Variants in RGS6 observed in about 807,000 individuals in gnomAD.
RGS6 encodes regulator of G protein signaling 6.
Under a neutral mutation model 78.5 loss-of-function variants are expected in RGS6, and 30 were observed. The observed-to-expected ratio is 0.38, with a 90% CI of 0.29 to 0.52. The LOEUF (loss-of-function observed/expected upper bound fraction) is 0.52. RGS6 is among the 20% of genes least tolerant of loss of function. The pLI, the probability that RGS6 is intolerant of heterozygous loss-of-function variation, is 0.85. For missense variants in RGS6, 495 were observed against 609.7 expected, an observed-to-expected ratio of 0.81 and a Z score of 1.98; for synonymous variants, 206 against 206.0, an observed-to-expected ratio of 1.00 and a Z score of 0.00.
At chr14:72,584,408 G>A in the RGS6 span, among the ~76,000 whole-genome samples, 1 of 152,182 alleles carries the variant, frequency 6.6e-6, no homozygotes, top group Admixed American at 6.5e-5. Flanking sequence ...GTGCTATGCA[G>A]AAAAGTAAAA....
intron 2 of RGS6, among the ~76,000 whole-genome samples, chr14:72,015,549 A>G (rs1429354806): frequency 6.6e-6 from 1 of 152,240 alleles, no homozygotes; most frequent in Non-Finnish European, 1.5e-5. Context: ...ACAAATAGTG[A>G]TACAGTAGTA....
chr14:72,271,247 G>A (rs150418389), intron 2 of RGS6, among the ~76,000 whole-genome samples: 3,042 of 152,266 alleles, frequency 0.02, 46 homozygotes, highest in Non-Finnish European at 0.027. Flanking sequence ...CCACATGGCT[G>A]GGGAGGCCTC....
chr14:72,155,075 A>G (rs1383274438), intron 2 of RGS6, among the ~76,000 whole-genome samples: 2 of 152,246 alleles, frequency 1.3e-5, no homozygotes, highest in African/African-American at 4.8e-5. Flanking sequence ...CTTTCTGGAA[A>G]GCCAGTAAAT....
chr14:72,176,873 AC>A (rs1476036812), intron 2 of RGS6, among the ~76,000 whole-genome samples: 2 of 152,006 alleles, frequency 1.3e-5, no homozygotes, highest in South Asian at 2.1e-4. Context: ...CCAACCCACC[AC>A]CCCAGAAGGA....
At chr14:72,006,362 C>A (rs1168484510) in intron 2 of RGS6, among the ~76,000 whole-genome samples, 3 of 152,192 alleles carry the variant, frequency 2.0e-5, no homozygotes, top group Non-Finnish European at 4.4e-5. Flanking sequence ...CATATTCAAG[C>A]CCCTGACAAA....
At chr14:72,629,491 G>A in the RGS6 span, 3 of 729,050 alleles carry the variant, frequency 4.1e-6, no homozygotes, top group Non-Finnish European at 6.8e-6. Context: ...AGGGCTAATG[G>A]CCAGGTTGCT....
At chr14:72,413,199 G>C (rs1198454812) in intron 3 of RGS6, among the ~76,000 whole-genome samples, 1 of 152,224 alleles carries the variant, frequency 6.6e-6, no homozygotes, top group Admixed American at 6.5e-5. Context: ...TTGTGTGGGA[G>C]TCTAAGTCTC....
chr14:72,072,880 T>C (rs184696538), intron 2 of RGS6, among the ~76,000 whole-genome samples: 10 of 152,370 alleles, frequency 6.6e-5, no homozygotes, highest in Non-Finnish European at 8.8e-5. Flanking sequence ...TTCTCCAATG[T>C]GGCTGCACAT....
chr14:72,248,996 T>C (rs2054942291), intron 2 of RGS6, among the ~76,000 whole-genome samples: 1 of 152,186 alleles, frequency 6.6e-6, no homozygotes, highest in Admixed American at 6.5e-5. Flanking sequence ...AACTTATTTC[T>C]GTAGGGGGAA....
At position 71,957,891 on chromosome 14, in the gene RGS6, G is replaced by A. The variant is rs535706034; in HGVS notation, c.-20-6881G>A. On this transcript the variant is annotated intron_variant, in intron 1 of 17. Coordinates refer to ENST00000553525, the MANE Select transcript of RGS6 (RefSeq NM_001204424.2). ...AGTGATCCTCCCACATCAGCCTCCC[G>A]AGTAGCTGAGACTACAGGCAACGCA... is the stretch of plus-strand genomic sequence containing the variant. 5.3e-5 allele frequency among the ~76,000 whole-genome samples: 8 copies of A among 151,962 alleles called. No homozygotes were observed. The South Asian group carries it at 1.0e-3, about 20-fold the overall frequency.
At chr14:72,509,431 T>A (rs1376610771) in intron 13 of RGS6, among the ~76,000 whole-genome samples, 4 of 151,932 alleles carry the variant, frequency 2.6e-5, no homozygotes, top group Admixed American at 2.0e-4. Context: ...ATTCTTGACT[T>A]CATTACTTCC....
intron 2 of RGS6, among the ~76,000 whole-genome samples, chr14:72,006,326 C>T (rs1322732598): frequency 6.6e-6 from 1 of 152,198 alleles, no homozygotes; most frequent in Non-Finnish European, 1.5e-5. Context: ...CATCCACCAA[C>T]ACTCTTCCAA....
chr14:71,981,637 G>A (rs1366158563), intron 2 of RGS6, among the ~76,000 whole-genome samples: 3 of 151,948 alleles, frequency 2.0e-5, no homozygotes, highest in Non-Finnish European at 2.9e-5. Context: ...GAGGCAGTCT[G>A]CCCGTTCTCA....
At chr14:72,575,631 C>T in the RGS6 span, among the ~76,000 whole-genome samples, 26 of 152,190 alleles carry the variant, frequency 1.7e-4, no homozygotes, top group East Asian at 3.1e-3. Flanking sequence ...CCGCAAATAA[C>T]GTATTATATA....
intron 3 of RGS6, among the ~76,000 whole-genome samples, chr14:72,372,179 G>A (rs925437700): frequency 3.9e-5 from 6 of 152,096 alleles, no homozygotes; most frequent in East Asian, 1.9e-4. Flanking sequence ...ATTATGCCAC[G>A]TATTATATAT....
At chr14:71,933,822 G>A (rs922797258) in intron 1 of RGS6, among the ~76,000 whole-genome samples, 10 of 152,138 alleles carry the variant, frequency 6.6e-5, no homozygotes, top group Non-Finnish European at 1.0e-4. Context: ...TCAAGTTTAG[G>A]TAAAACTTCC....
intron 1 of RGS6, 22 bp from the exon 2 acceptor site, chr14:71,964,750 G>A (rs1391024767): frequency 6.6e-7 from 1 of 1,516,236 alleles, no homozygotes; most frequent in Non-Finnish European, 9.1e-7. Flanking sequence ...TGACTTAATG[G>A]TTTATTCATT....
chr14:72,519,815 C>G (rs2097008237), intron 15 of RGS6, among the ~76,000 whole-genome samples: 1 of 152,228 alleles, frequency 6.6e-6, no homozygotes, highest in Admixed American at 6.5e-5. Context: ...GTGGGGGTTC[C>G]CTGCATGAAC....
In RGS6 at chr14:72,279,841, CAAAG is replaced by C. The variant is rs2061295796; in HGVS notation, c.85-72250_85-72247del. Among the ~76,000 whole-genome samples, 7 of 152,170 alleles carry C rather than the reference CAAAG, an allele frequency of 4.6e-5. No homozygotes were observed. The South Asian group carries it at 1.5e-3, about 32-fold the overall frequency. ...GTATAGAAGTGTAGAATAGAGAAGA[CAAAG>C]AAAAGCAAAAGAACTGAATAGCTAG... On this transcript the variant is annotated intron_variant, in intron 2 of 17. Transcript: ENST00000553525.
Sources: allele counts gnomAD v4.1 joint callset (sites outside exome capture counted in the v4.1 genomes callset), GRCh38; gene constraint gnomAD v4.1.1; transcripts MANE v1.5; gene names NCBI Gene and HGNC (gene_info 2026-07-23, HGNC 2026-07-21).